Variants in MAPKAPK5 observed in about 807,000 individuals in gnomAD.
The protein encoded by MAPKAPK5 is MAPK activated protein kinase 5.
Under a neutral mutation model 65.1 loss-of-function variants are expected in MAPKAPK5, and 30 were observed. The observed-to-expected ratio is 0.46, with a 90% confidence interval of 0.34 to 0.63. The LOEUF (loss-of-function observed/expected upper bound fraction) is 0.63. MAPKAPK5 is among the 20% of genes least tolerant of loss of function. MAPKAPK5 has a pLI of 0.01. For synonymous variants in MAPKAPK5, 179 were observed against 204.6 expected, an observed-to-expected ratio of 0.87 and a Z score of 1.07; for missense variants, 433 against 581.4, an observed-to-expected ratio of 0.74 and a Z score of 2.63.
intron 7 of MAPKAPK5, among the ~76,000 whole-genome samples, chr12:111,876,101 G>A (rs1353435967): frequency 6.6e-6 from 1 of 151,586 alleles, no homozygotes; most frequent in Non-Finnish European, 1.5e-5. Flanking sequence ...CAGCTTCTCG[G>A]GAGGCTGAGG....
Position 111,895,170 on chromosome 12 carries a change from C to T in MAPKAPK5, c.*2109C>T, listed in dbSNP as rs371027577. ...GGAGTGCAGTGGCGCGATCTTGGCT[C>T]ACTGCAAGCTCTGCCTCCCAGGTTC... is the stretch of plus-strand genomic sequence containing the variant. On this transcript the variant is annotated 3_prime_UTR_variant, in exon 14 of 14. Transcript: ENST00000550735. The T allele has an allele frequency of 7.0e-6, 1 of 143,716 alleles. No individual in the cohort carries two copies. The highest frequency in any genetic ancestry group is 1.5e-5 in the Non-Finnish European group (1 of 67,042). 8.9% of individuals were successfully genotyped at this position (143,716 alleles called of 1,614,324 possible).
chr12:111,880,135 C>T (rs1019265652), intron 7 of MAPKAPK5: 7 of 368,734 alleles, frequency 1.9e-5, no homozygotes, highest in Non-Finnish European at 2.6e-5. Context: ...GATCTGCTTT[C>T]GCATAGGCAT....
intron 1 of MAPKAPK5, chr12:111,843,304 C>T (rs2068790456): frequency 5.0e-6 from 2 of 398,590 alleles, no homozygotes; most frequent in Non-Finnish European, 8.8e-6. Context: ...CTTCTTTCTC[C>T]TAGGAAGCAT....
chr12:111,888,852 C>T (rs763679979), intron 11 of MAPKAPK5, 33 bp from the exon 12 acceptor site: 33 of 1,608,882 alleles, frequency 2.1e-5, no homozygotes, highest in East Asian at 4.5e-5. Context: ...TGGGGTCTCA[C>T]GTTGTCATTA....
intron 1 of MAPKAPK5, among the ~76,000 whole-genome samples, chr12:111,857,334 C>T (rs1029468402): frequency 9.9e-5 from 15 of 151,692 alleles, no homozygotes; most frequent in Admixed American, 7.9e-4. Context: ...CTCCACCTCC[C>T]GGGTTCAAGC....
chr12:111,879,584 T>G (rs922945495), intron 7 of MAPKAPK5: 1 of 152,188 alleles, frequency 6.6e-6, no homozygotes, highest in African/African-American at 2.4e-5. Context: ...GAGATGGGGT[T>G]TCACCATGTT....
chr12:111,842,951 G>A (rs1273897466), intron 1 of MAPKAPK5, 182 bp downstream of exon 1: 7 of 471,790 alleles, frequency 1.5e-5, no homozygotes, highest in Non-Finnish European at 2.1e-5. Context: ...TGTGGGTGTA[G>A]GTGTGTGTCC....
chr12:111,845,229 A>G (rs1233563650), intron 1 of MAPKAPK5, among the ~76,000 whole-genome samples: 4 of 152,000 alleles, frequency 2.6e-5, no homozygotes, highest in African/African-American at 7.2e-5. Context: ...GGTTCAAGCA[A>G]TTCTTGTGCC....
At position 111,893,181 on chromosome 12, in the gene MAPKAPK5, A is replaced by G. The variant is rs1593191833; in HGVS notation, c.*120A>G. 2 of 698,406 alleles carry G rather than the reference A, an allele frequency of 2.9e-6. No individual in the cohort carries two copies. Among genetic ancestry groups the G allele is most frequent in the East Asian group, 6.4e-5 (2 of 31,166 alleles). The allele number at this position is 698,406 out of a possible 1,614,324, so 43.3% of individuals were successfully genotyped here. On this transcript the variant is annotated 3_prime_UTR_variant, in exon 14 of 14. Transcript: ENST00000550735. ...TCCACATTGATTAAAGCTGCTGTATAGATTTAGGGTGCAGGACTTAATAAT... is the reference window on the plus strand; with the variant it reads ...TCCACATTGATTAAAGCTGCTGTATGGATTTAGGGTGCAGGACTTAATAAT...
At chr12:111,877,531 T>C (rs1259063094) in intron 7 of MAPKAPK5, among the ~76,000 whole-genome samples, 1 of 152,244 alleles carries the variant, frequency 6.6e-6, no homozygotes, top group East Asian at 1.9e-4. Context: ...TGCCATCTTT[T>C]CTTTTGTGTA....
At chr12:111,873,748 G>A (rs1159443395) in intron 7 of MAPKAPK5, among the ~76,000 whole-genome samples, 1 of 152,128 alleles carries the variant, frequency 6.6e-6, no homozygotes, top group Non-Finnish European at 1.5e-5. Context: ...AAGAGCATCT[G>A]CATTATTGTA....
intron 8 of MAPKAPK5, among the ~76,000 whole-genome samples, 170 bp downstream of exon 8, chr12:111,880,697 G>T (rs1411821995): frequency 6.6e-6 from 1 of 151,990 alleles, no homozygotes; most frequent in Non-Finnish European, 1.5e-5. Context: ...GTTTTTGTTT[G>T]ATGAAATATC....
At chr12:111,888,667 G>A (rs766952765) in intron 11 of MAPKAPK5, 49 bp downstream of exon 11, 3 of 1,601,478 alleles carry the variant, frequency 1.9e-6, no homozygotes, top group South Asian at 1.1e-5. Flanking sequence ...GAATGGCTGA[G>A]TACTGGGTTC....
rs2071045678 is a variant in MAPKAPK5, at chr12:111,901,289, T to TAA, written c.*8229_*8230dup. 2.2e-6 allele frequency: 1 copy of TAA among 455,632 alleles called. No homozygotes were observed. The highest frequency in any genetic ancestry group is 2.4e-5 in the Admixed American group (1 of 42,548). 28.2% of individuals were successfully genotyped at this position (455,632 alleles called of 1,614,324 possible). ...AAACGTGTAATGGGAAGGGAGTTTG[T>TAA]AATGATTTAGGGCACTGCCACTGTA... is the stretch of plus-strand genomic sequence containing the variant. On this transcript the variant is annotated 3_prime_UTR_variant, in exon 14 of 14. Transcript: ENST00000550735.
Position 111,888,628 on chromosome 12 carries a change from C to T in MAPKAPK5, c.1100+10C>T. On this transcript the variant is annotated intron_variant, in intron 11 of 13. Transcript: ENST00000550735. ...AGAGGAAGTTACTTGGGTAACTGAG[C>T]TTATTTCTTCGATTCTTCTTCATGG... The T allele has an allele frequency of 1.2e-6, 2 of 1,612,644 alleles. No homozygotes were observed. Among genetic ancestry groups the T allele is most frequent in the Non-Finnish European group, 8.5e-7 (1 of 1,179,488 alleles).
intron 1 of MAPKAPK5, among the ~76,000 whole-genome samples, chr12:111,859,636 T>C (rs2069361589): frequency 6.9e-6 from 1 of 144,130 alleles, no homozygotes; most frequent in Non-Finnish European, 1.5e-5. Context: ...TTTTTTCTTT[T>C]CTTTTCTTTG....
chr12:111,869,338 G>C (rs1284911626), intron 5 of MAPKAPK5, among the ~76,000 whole-genome samples: 1 of 152,154 alleles, frequency 6.6e-6, no homozygotes, highest in African/African-American at 2.4e-5. Flanking sequence ...TTGTAATTCT[G>C]AATTATTCCT....
At chr12:111,882,865 T>C in intron 8 of MAPKAPK5, 2 of 984,880 alleles carry the variant, frequency 2.0e-6, no homozygotes, top group Non-Finnish European at 2.4e-6. Flanking sequence ...TGAGCCTACC[T>C]GTCTCTTAGT....
chr12:111,886,175 A>AT, intron 10 of MAPKAPK5, 139 bp downstream of exon 10: 1 of 1,293,164 alleles, frequency 7.7e-7, no homozygotes, highest in Non-Finnish European at 1.1e-6. Flanking sequence ...GTTTCCTGAG[A>AT]GTCAGGATCC....
Sources: allele counts gnomAD v4.1 joint callset (sites outside exome capture counted in the v4.1 genomes callset), GRCh38; gene constraint gnomAD v4.1.1; transcripts MANE v1.5; gene names NCBI Gene and HGNC (gene_info 2026-07-23, HGNC 2026-07-21).